Variants in TTLL1 observed in about 807,000 individuals in gnomAD.
TTLL1 encodes TTL family tubulin polyglutamylase complex subunit L1, also known as polyglutamylase complex subunit TTLL1.
A neutral mutation model predicts 47.8 loss-of-function variants in TTLL1; 33 were observed. That is an observed-to-expected ratio of 0.69 (90% CI 0.52 to 0.92). TTLL1 has a LOEUF of 0.92. Ranked by LOEUF, TTLL1 falls within the 40% of genes least tolerant of loss-of-function variation. The probability of loss-of-function intolerance (pLI) is 0.00; values close to 1 mark genes in which losing one functional copy is unlikely to be tolerated. For missense variants in TTLL1, 488 were observed against 547.5 expected (o/e 0.89, Z 1.08); for synonymous variants, 225 against 214.1 (o/e 1.05, Z -0.45).
chr22:43,088,567 T>C (rs1297339800), intron 1 of TTLL1, among the ~76,000 whole-genome samples: 1 of 151,082 alleles, frequency 6.6e-6, no homozygotes, highest in African/African-American at 2.4e-5. Context: ...ATGGTCTCGA[T>C]CTCCTGACCT....
At chr22:43,048,808 T>A (rs1926363206) in intron 9 of TTLL1, among the ~76,000 whole-genome samples, 1 of 151,064 alleles carries the variant, frequency 6.6e-6, no homozygotes, top group East Asian at 2.0e-4. Flanking sequence ...GTGGTGGCAG[T>A]TACCTGTAAT....
intron 8 of TTLL1, among the ~76,000 whole-genome samples, chr22:43,058,202 C>T (rs1486172714): frequency 6.6e-6 from 1 of 151,962 alleles, no homozygotes; most frequent in Non-Finnish European, 1.5e-5. Flanking sequence ...CCTTGGCCTC[C>T]CAAAGTGCTG....
chr22:43,080,620 G>A (rs1425665714), intron 1 of TTLL1, among the ~76,000 whole-genome samples: 5 of 151,840 alleles, frequency 3.3e-5, no homozygotes, highest in Admixed American at 1.3e-4. Flanking sequence ...GCAAGCCTGT[G>A]TGCACCCTGT....
chr22:43,083,416 T>G (rs6003043), intron 1 of TTLL1, among the ~76,000 whole-genome samples: 106,098 of 151,906 alleles, frequency 0.7, 38,144 homozygotes, highest in Middle Eastern at 0.85. Flanking sequence ...GGCCAAAATT[T>G]TATCACCCAC....
intron 10 of TTLL1, chr22:43,041,354 G>T (rs1480139726): frequency 6.6e-6 from 1 of 152,186 alleles, no homozygotes; most frequent in Admixed American, 6.6e-5. Context: ...TGCTAATCAT[G>T]TGGACTTCTG....
chr22:43,056,521 G>A (rs1328621121), intron 8 of TTLL1, among the ~76,000 whole-genome samples: 4 of 133,124 alleles, frequency 3.0e-5, no homozygotes, highest in Non-Finnish European at 4.6e-5. Flanking sequence ...AGTAGCTCAC[G>A]CCTGTAATCC....
chr22:43,066,172 A>AAAT (rs766090428), intron 5 of TTLL1, among the ~76,000 whole-genome samples: 1 of 125,590 alleles, frequency 8.0e-6, no homozygotes, highest in African/African-American at 3.5e-5. Flanking sequence ...AAAAAAAAAA[A>AAAT]TTAAAAAAAA....
At chr22:43,067,521 G>T (rs1927818216) in intron 5 of TTLL1, among the ~76,000 whole-genome samples, 1 of 152,176 alleles carries the variant, frequency 6.6e-6, no homozygotes, top group Admixed American at 6.6e-5. Context: ...GTGGCTGCAG[G>T]CCCTGGCCCA....
chr22:43,069,220 C>CAA (rs66913313), intron 4 of TTLL1, among the ~76,000 whole-genome samples: 55 of 80,376 alleles, frequency 6.8e-4, no homozygotes, highest in Non-Finnish European at 9.3e-4. Flanking sequence ...ACTAAAAATA[C>CAA]AAAAAAAAAA....
chr22:43,081,756 C>A (rs1460153967), intron 1 of TTLL1, among the ~76,000 whole-genome samples: 2 of 151,542 alleles, frequency 1.3e-5, no homozygotes, highest in East Asian at 3.9e-4. Flanking sequence ...ACCATGTTGG[C>A]CAGGTTGGTC....
At chr22:43,073,660 A>G (rs1386424944) in intron 3 of TTLL1, among the ~76,000 whole-genome samples, 5 of 151,854 alleles carry the variant, frequency 3.3e-5, no homozygotes, top group African/African-American at 1.2e-4. Flanking sequence ...CCAGCCCATC[A>G]TAATTATTTT....
intron 8 of TTLL1, chr22:43,052,232 T>G: frequency 3.0e-6 from 1 of 329,686 alleles, no homozygotes; most frequent in South Asian, 3.1e-5. Flanking sequence ...AGTGAAGGTC[T>G]GTGCAGCCTT....
chr22:43,056,462 CTTTTTTTT>C (rs1052016247), intron 8 of TTLL1, among the ~76,000 whole-genome samples: 2 of 103,708 alleles, frequency 1.9e-5, no homozygotes, highest in South Asian at 3.1e-4. Context: ...TTCTTCTTGT[CTTTTTTTT>C]TTTTTTTTTT....
At chr22:43,052,057 C>T in intron 8 of TTLL1, 170 bp from the exon 9 acceptor site, 1 of 632,184 alleles carries the variant, frequency 1.6e-6, no homozygotes, top group Non-Finnish European at 2.9e-6. Flanking sequence ...TCCCGCAGAG[C>T]TCAGAGATTG....
intron 1 of TTLL1, among the ~76,000 whole-genome samples, chr22:43,080,999 T>TCTGCCTC (rs1928848227): frequency 7.2e-6 from 1 of 138,574 alleles, no homozygotes. Flanking sequence ...CACTACAACC[T>TCTGCCTC]CTGCCTCCTG....
intron 8 of TTLL1, among the ~76,000 whole-genome samples, chr22:43,058,314 A>G (rs1011626987): frequency 4.6e-5 from 7 of 152,200 alleles, no homozygotes; most frequent in Non-Finnish European, 7.3e-5. Context: ...TTAAAAACAG[A>G]TGTGCACCTG....
intron 9 of TTLL1, among the ~76,000 whole-genome samples, chr22:43,049,560 A>C (rs1926428604): frequency 6.7e-6 from 1 of 150,328 alleles, no homozygotes; most frequent in Non-Finnish European, 1.5e-5. Context: ...AACACACACA[A>C]AAAAACCCAG....
intron 9 of TTLL1, among the ~76,000 whole-genome samples, chr22:43,050,503 GTTTTTTTTTGT>G (rs1304984956): frequency 8.2e-6 from 1 of 121,950 alleles, no homozygotes; most frequent in Non-Finnish European, 1.5e-5. Flanking sequence ...AGTCACTCTG[GTTTTTTTTTGT>G]TTTTTTTTTT....
chr22:43,046,634 T>C, intron 9 of TTLL1, 61 bp from the exon 10 acceptor site: 3 of 1,583,334 alleles, frequency 1.9e-6, no homozygotes, highest in Non-Finnish European at 2.6e-6. Context: ...AATGAAAATG[T>C]GCACTGCAGA....
Sources: allele counts gnomAD v4.1 joint callset (sites outside exome capture counted in the v4.1 genomes callset), GRCh38; gene constraint gnomAD v4.1.1; transcripts MANE v1.5; gene names NCBI Gene and HGNC (gene_info 2026-07-23, HGNC 2026-07-21).